The following ELAPOR2 variants were observed in gnomAD, a reference collection of about 807,000 sequenced individuals.
ELAPOR2 encodes the protein endosome/lysosome-associated apoptosis and autophagy regulator family member 2.
Under a neutral mutation model 120.7 loss-of-function variants are expected in ELAPOR2, and 89 were observed. The observed-to-expected ratio is 0.74, with a 90% confidence interval of 0.62 to 0.88. The LOEUF (loss-of-function observed/expected upper bound fraction) is 0.88, where lower values mean the gene tolerates loss of function less well. ELAPOR2 is among the 40% of genes least tolerant of loss of function. The probability of loss-of-function intolerance (pLI) is 0.00; values close to 1 mark genes in which losing one functional copy is unlikely to be tolerated. For missense variants in ELAPOR2, 1,134 were observed against 1,251.6 expected, an observed-to-expected ratio of 0.91 and a Z score of 1.42; for synonymous variants, 444 against 444.9, an observed-to-expected ratio of 1.00 and a Z score of 0.03.
intron 10 of ELAPOR2, among the ~76,000 whole-genome samples, chr7:86,921,393 C>T (rs766849734): frequency 7.2e-5 from 11 of 152,136 alleles, no homozygotes; most frequent in Non-Finnish European, 1.3e-4. Flanking sequence ...CAGAGACACA[C>T]AGACCCAGAG....
chr7:87,029,885 T>C (rs940158439), intron 1 of ELAPOR2, among the ~76,000 whole-genome samples: 5 of 151,706 alleles, frequency 3.3e-5, no homozygotes, highest in South Asian at 2.1e-4. Flanking sequence ...TGACACAACA[T>C]TACAGTATAA....
intron 1 of ELAPOR2, among the ~76,000 whole-genome samples, chr7:87,051,359 A>G (rs1795097544): frequency 6.6e-6 from 1 of 152,244 alleles, no homozygotes. Context: ...TAACTTTTAT[A>G]GTTAGAAAAA....
intron 1 of ELAPOR2, among the ~76,000 whole-genome samples, chr7:87,010,675 T>C (rs897834972): frequency 1.3e-5 from 2 of 152,186 alleles, no homozygotes; most frequent in African/African-American, 4.8e-5. Context: ...GGTACTATTA[T>C]AGTTTAAAAA....
chr7:86,953,992 T>G (rs1791372239), intron 2 of ELAPOR2, among the ~76,000 whole-genome samples: 1 of 152,246 alleles, frequency 6.6e-6, no homozygotes, highest in Non-Finnish European at 1.5e-5. Flanking sequence ...GACATTTATT[T>G]CTGCTACTGT....
chr7:86,920,541 G>A (rs944521331), intron 10 of ELAPOR2, among the ~76,000 whole-genome samples: 1 of 152,138 alleles, frequency 6.6e-6, no homozygotes, highest in African/African-American at 2.4e-5. Context: ...CATGAGGAGG[G>A]ATAGAATAGC....
intron 2 of ELAPOR2, among the ~76,000 whole-genome samples, chr7:86,953,067 G>A (rs1475705364): frequency 6.8e-6 from 1 of 147,452 alleles, no homozygotes; most frequent in East Asian, 2.0e-4. Context: ...CTGCACCCCA[G>A]CCTGGGCAAC....
At chr7:87,013,741 A>G in intron 1 of ELAPOR2, among the ~76,000 whole-genome samples, 1 of 152,294 alleles carries the variant, frequency 6.6e-6, no homozygotes, top group East Asian at 1.9e-4. Flanking sequence ...ATTTTATTTC[A>G]TTTTATTAAA....
At chr7:87,033,688 GAA>G (rs34256283) in intron 1 of ELAPOR2, among the ~76,000 whole-genome samples, 1 of 151,992 alleles carries the variant, frequency 6.6e-6, no homozygotes, top group Non-Finnish European at 1.5e-5. Flanking sequence ...AAGTTGAACT[GAA>G]AGACTAAATA....
chr7:86,880,258 A>G lies in ELAPOR2; in HGVS notation c.*213T>C. Reference sequence around the variant, plus strand: ...CTGAGTTGAGCTTCATCTTCAGTTGAGACCCAAATCATTTGCTTTCCTTTA... The same window carrying G: ...CTGAGTTGAGCTTCATCTTCAGTTGGGACCCAAATCATTTGCTTTCCTTTA... On this transcript the variant is annotated 3_prime_UTR_variant, in exon 22 of 22. Transcript: ENST00000450689. 1.7e-6 allele frequency: 1 copy of G among 577,482 alleles called. No individual in the cohort carries two copies. Among genetic ancestry groups the G allele is most frequent in the South Asian group, 2.2e-5 (1 of 44,626 alleles). 35.8% of individuals were successfully genotyped at this position (577,482 alleles called of 1,614,324 possible). A position where few individuals can be genotyped will look rare whatever the true frequency, so the allele number is the denominator to read the frequency against.
At chr7:86,888,146 A>G (rs1311879255) in intron 21 of ELAPOR2, among the ~76,000 whole-genome samples, 1 of 152,036 alleles carries the variant, frequency 6.6e-6, no homozygotes, top group Non-Finnish European at 1.5e-5. Flanking sequence ...CCACCTGATG[A>G]GTGCACTGCC....
chr7:86,958,343 C>T (rs73384108), intron 2 of ELAPOR2, among the ~76,000 whole-genome samples: 11,935 of 152,222 alleles, frequency 0.078, 557 homozygotes, highest in African/African-American at 0.11. Flanking sequence ...AAAGCATTTA[C>T]AATTATACCT....
At chr7:87,014,959 A>G (rs1793821021) in intron 1 of ELAPOR2, among the ~76,000 whole-genome samples, 1 of 152,074 alleles carries the variant, frequency 6.6e-6, no homozygotes, top group Non-Finnish European at 1.5e-5. Flanking sequence ...CAGTTTTCAT[A>G]TATAATTATA....
chr7:86,983,510 G>A (rs1792592076), intron 1 of ELAPOR2, among the ~76,000 whole-genome samples: 1 of 152,222 alleles, frequency 6.6e-6, no homozygotes, highest in Non-Finnish European at 1.5e-5. Context: ...CCACAAGCCA[G>A]AAGAGAGTGG....
chr7:86,939,099 C>T (rs1790694054), intron 6 of ELAPOR2, 139 bp from the exon 7 acceptor site: 2 of 826,996 alleles, frequency 2.4e-6, no homozygotes, highest in Non-Finnish European at 3.7e-6. Context: ...CTTATTCATC[C>T]AGCACTAAGA....
chr7:87,012,745 C>A (rs1225635134), intron 1 of ELAPOR2, among the ~76,000 whole-genome samples: 1 of 152,174 alleles, frequency 6.6e-6, no homozygotes, highest in African/African-American at 2.4e-5. Flanking sequence ...AACATTCCAA[C>A]TTGAATGAAC....
intron 21 of ELAPOR2, among the ~76,000 whole-genome samples, chr7:86,885,039 G>A (rs993701958): frequency 2.0e-5 from 3 of 152,086 alleles, no homozygotes; most frequent in African/African-American, 2.4e-5. Context: ...GGTTTACAAC[G>A]CGGAAGAAGT....
At chr7:86,996,530 G>C (rs1397584538) in intron 1 of ELAPOR2, among the ~76,000 whole-genome samples, 1 of 152,224 alleles carries the variant, frequency 6.6e-6, no homozygotes, top group African/African-American at 2.4e-5. Flanking sequence ...AACATGTAAG[G>C]CCTTAGATAT....
At chr7:87,042,809 A>C (rs1794827067) in intron 1 of ELAPOR2, among the ~76,000 whole-genome samples, 1 of 152,190 alleles carries the variant, frequency 6.6e-6, no homozygotes, top group Non-Finnish European at 1.5e-5. Context: ...TCAAAAAATT[A>C]ATGAATCCAG....
intron 1 of ELAPOR2, among the ~76,000 whole-genome samples, chr7:86,971,774 G>T (rs1238336841): frequency 6.6e-6 from 1 of 152,074 alleles, no homozygotes; most frequent in African/African-American, 2.4e-5. Flanking sequence ...AAGAAAAGCC[G>T]AAAGCTAAGG....
Sources: allele counts gnomAD v4.1 joint callset (sites outside exome capture counted in the v4.1 genomes callset), GRCh38; gene constraint gnomAD v4.1.1; transcripts MANE v1.5; gene names NCBI Gene and HGNC (gene_info 2026-07-23, HGNC 2026-07-21).